Variants in TKTL2 observed in about 807,000 individuals in gnomAD.
TKTL2 encodes the protein transketolase-like protein 2.
For synonymous variants in TKTL2, 259 were observed against 294.1 expected (o/e 0.88, Z 1.22); for missense variants, 825 against 799.4 (o/e 1.03, Z -0.39).
rs1264878195 is a variant in TKTL2, at chr4:163,473,280, C to T, written c.455G>A (p.Cys152Tyr). Residue 152 changes from cysteine to tyrosine, a missense_variant, in exon 1 of 1, where the codon TGC becomes TAC. Physicochemically the swap from Cys to Tyr is radical, Grantham distance 194. Coordinates refer to ENST00000280605, the MANE Select transcript of TKTL2 (RefSeq NM_032136.5). Reference protein sequence around the residue: ...YLDKASYRVFCLMGDGESSEG... With the variant: ...YLDKASYRVFYLMGDGESSEG... The stretch of plus-strand genomic sequence containing the variant: ...TGAGGATTCGCCATCTCCCATAAGG[C>T]AGAACACCCGGTAGCTGGCCTTGTC... 6.2e-7 allele frequency: 1 copy of T among 1,614,058 alleles called. No homozygotes were observed. Among genetic ancestry groups the T allele is most frequent in the East Asian group, 2.2e-5 (1 of 44,858 alleles).
At position 163,471,354 on chromosome 4, in the gene TKTL2, G is replaced by A. The variant is rs575317975; in HGVS notation, c.*500C>T. On this transcript the variant is annotated 3_prime_UTR_variant, in exon 1 of 1. Coordinates refer to ENST00000280605, the MANE Select transcript of TKTL2 (RefSeq NM_032136.5). ...AGGAGAGATGAAGGCAAACTTTGGA[G>A]GAATTTCCAAGGCAACTGCAGTCAA... is the stretch of plus-strand genomic sequence containing the variant. 1 of 152,404 alleles carries A rather than the reference G, an allele frequency of 6.6e-6. No homozygotes were observed. Among genetic ancestry groups the A allele is most frequent in the Admixed American group, 6.5e-5 (1 of 15,306 alleles). 9.4% of individuals were successfully genotyped at this position (152,404 alleles called of 1,614,324 possible).
rs775374117 is a variant in TKTL2, at chr4:163,472,096, C to A, written c.1639G>T (p.Ala547Ser). The change falls in exon 1 of 1, where the codon GCC (alanine) becomes TCC (serine). Residue 547 changes from alanine (A) to serine (S), a missense_variant. Physicochemically the swap from Ala to Ser is moderately conservative, Grantham distance 99. Coordinates refer to ENST00000280605, the MANE Select transcript of TKTL2 (RefSeq NM_032136.5). ...GCTTTTGCACTGGAGATGATGGTGG[C>A]GGCATCCAGGGGTTTAATGGTAAAT... ...DPFTIKPLDA[A>S]TIISSAKATG... The A allele has an allele frequency of 1.9e-6, 3 of 1,614,110 alleles. No homozygotes were observed. Among genetic ancestry groups the A allele is most frequent in the Non-Finnish European group, 2.5e-6 (3 of 1,180,028 alleles).
rs942322674 is a variant in TKTL2 at position 163,472,382 on chromosome 4, A to T, written c.1353T>A (p.Tyr451Ter). 2 of 1,604,478 alleles carry T rather than the reference A, an allele frequency of 1.2e-6. No homozygotes were observed. Among genetic ancestry groups the T allele is most frequent in the African/African-American group, 2.7e-5 (2 of 74,622 alleles). ...GCTCTGTCGAGATGGCATCACTTGG[A>T]TAGAAAACAGTACAATTGGGAATGC... is the stretch of plus-strand genomic sequence containing the variant. ...FRSIPNCTVF[Y>*]PSDAISTEHA... is the part of the protein sequence containing the mutation. The change falls in exon 1 of 1, where the codon TAT becomes TAA. Residue 451 changes from tyrosine to a stop codon, truncating the protein, a stop_gained. Transcript: ENST00000280605. LOFTEE classifies it low-confidence loss of function (END_TRUNC).
Position 163,473,003 on chromosome 4 carries a change from G to A in TKTL2, c.732C>T (p.Ala244=). 1 of 1,614,110 alleles carries A rather than the reference G, an allele frequency of 6.2e-7. No individual in the cohort carries two copies. The highest frequency in any genetic ancestry group is 8.5e-7 in the Non-Finnish European group (1 of 1,180,028). The change falls in exon 1 of 1, where the codon GCC becomes GCT. Residue 244 remains alanine, a synonymous_variant. Coordinates refer to ENST00000280605, the MANE Select transcript of TKTL2 (RefSeq NM_032136.5). ...GAATACCCCGACCTTTGAAGGTCTT[G>A]GCAACTATAGCAGTAGGCTTGTTCT... ...QVKNKPTAIV[A]KTFKGRGIPN...
chr4:163,473,061 A>G lies in TKTL2; in HGVS notation c.674T>C (p.Leu225Ser). The G allele has an allele frequency of 3.1e-6, 5 of 1,614,202 alleles. No individual in the cohort carries two copies. The highest frequency in any genetic ancestry group is 4.2e-6 in the Non-Finnish European group (5 of 1,180,054). The stretch of plus-strand genomic sequence containing the variant: ...ACTTGCTTGCCAAAATGCTTGGCAC[A>G]AGGCCTCCACATCATGGCCATCCAC... ...YLVDGHDVEA[L>S]CQAFWQASQV... is the part of the protein sequence containing the mutation. The change falls in exon 1 of 1, where the codon TTG becomes TCG. Residue 225 changes from leucine (L) to serine (S), a missense_variant. Transcript: ENST00000280605.
Position 163,472,453 on chromosome 4 carries a change from C to A in TKTL2, c.1282G>T (p.Asp428Tyr). 6.2e-7 allele frequency: 1 copy of A among 1,614,164 alleles called. No homozygotes were observed. The highest frequency in any genetic ancestry group is 8.5e-7 in the Non-Finnish European group (1 of 1,180,030). ...TCCAGGGCCATCTGGGAGACTCCAT[C>A]TTCTCCAGTGGATACCCCACAGTGG... ...GSHCGVSTGEDGVSQMALEDL... is the reference protein window; with the variant it reads ...GSHCGVSTGEYGVSQMALEDL... The change falls in exon 1 of 1, where the codon GAT becomes TAT. Residue 428 changes from aspartate to tyrosine, a missense_variant. Asp to Tyr is a radical substitution (Grantham distance 160). Transcript: ENST00000280605.
Position 163,473,494 on chromosome 4 carries a change from G to A in TKTL2, c.241C>T (p.Pro81Ser), listed in dbSNP as rs373907569. ...RFILSRGHAA[P>S]ILYAAWVEVG... Reference sequence around the variant, plus strand: ...TCCACCCAAGCAGCATAGAGGATAGGAGCAGCATGTCCCCTGGAGAGGATG... The same window carrying A: ...TCCACCCAAGCAGCATAGAGGATAGAAGCAGCATGTCCCCTGGAGAGGATG... The change falls in exon 1 of 1, where the codon CCT (proline) becomes TCT (serine). Residue 81 changes from proline to serine, a missense_variant. By Grantham distance (74) the Pro-to-Ser change is moderately conservative. Transcript: ENST00000280605. The A allele has an allele frequency of 2.5e-5, 40 of 1,613,896 alleles. No homozygotes were observed. Among genetic ancestry groups the A allele is most frequent in the Non-Finnish European group, 3.1e-5 (37 of 1,180,028 alleles).
chr4:163,471,997 C>G lies in TKTL2; in HGVS notation c.1738G>C (p.Val580Leu), dbSNP rs140731828. The G allele has an allele frequency of 1.0e-4, 169 of 1,613,158 alleles. No individual in the cohort carries two copies. The highest frequency in any genetic ancestry group is 1.4e-4 in the Non-Finnish European group (167 of 1,179,460). Residue 580 changes from valine (V) to leucine (L), a missense_variant, in exon 1 of 1, where the codon GTC becomes CTC. Transcript: ENST00000280605. ...GGIGEAVCAA[V>L]SREPDILVHQ... ...ACAAGGATATCAGGCTCCCTGGAGACAGCTGCACAAACAGCTTCTCCAATG... is the reference window on the plus strand; with the variant it reads ...ACAAGGATATCAGGCTCCCTGGAGAGAGCTGCACAAACAGCTTCTCCAATG...
At position 163,473,094 on chromosome 4, in the gene TKTL2, G is replaced by C. The variant is rs1181009684; in HGVS notation, c.641C>G (p.Thr214Ser). 6.2e-7 allele frequency: 1 copy of C among 1,614,134 alleles called. No homozygotes were observed. Among genetic ancestry groups the C allele is most frequent in the Non-Finnish European group, 8.5e-7 (1 of 1,180,038 alleles). The change falls in exon 1 of 1, where the codon ACT (threonine) becomes AGT (serine). Residue 214 changes from threonine to serine, a missense_variant. Thr to Ser is a moderately conservative substitution (Grantham distance 58). Transcript: ENST00000280605. ...CACATCATGGCCATCCACTAAGTAA[G>C]TATTCCATCCAAAGGCTTCACAGCA... is the stretch of plus-strand genomic sequence containing the variant. ...QNCCEAFGWNTYLVDGHDVEA... is the reference protein window; with the variant it reads ...QNCCEAFGWNSYLVDGHDVEA...
In TKTL2 at chr4:163,472,072, C is replaced by T. The variant is rs751268861; in HGVS notation, c.1663G>A (p.Ala555Thr). ...ACTGTGATAACTCGGCCGCCTGTGG[C>T]TTTTGCACTGGAGATGATGGTGGCG... is the stretch of plus-strand genomic sequence containing the variant. ...DAATIISSAK[A>T]TGGRVITVED... The change falls in exon 1 of 1, where the codon GCC becomes ACC. Residue 555 changes from alanine to threonine, a missense_variant. By Grantham distance (58) the Ala-to-Thr change is moderately conservative. Coordinates refer to ENST00000280605, the MANE Select transcript of TKTL2 (RefSeq NM_032136.5). The T allele has an allele frequency of 1.2e-6, 2 of 1,614,172 alleles. No individual in the cohort carries two copies. The highest frequency in any genetic ancestry group is 1.7e-6 in the Non-Finnish European group (2 of 1,180,038).
rs756094486 is a variant in TKTL2 at position 163,471,806 on chromosome 4, C to G, written c.*48G>C. Reference sequence around the variant, plus strand: ...TGAATTTAATACAAAGATACCAGTGCTTTTGGGCCAAAGCCAATAGACTTG... The same window carrying G: ...TGAATTTAATACAAAGATACCAGTGGTTTTGGGCCAAAGCCAATAGACTTG... On this transcript the variant is annotated 3_prime_UTR_variant, in exon 1 of 1. Transcript: ENST00000280605. The G allele has an allele frequency of 1.5e-5, 21 of 1,429,108 alleles. No individual in the cohort carries two copies. Among genetic ancestry groups the G allele is most frequent in the Non-Finnish European group, 1.9e-5 (20 of 1,066,898 alleles). 88.5% of individuals were successfully genotyped at this position (1,429,108 alleles called of 1,614,324 possible).
At position 163,473,672 on chromosome 4, in the gene TKTL2, G is replaced by T; in HGVS notation, c.63C>A (p.Asn21Lys). 2.5e-6 allele frequency: 4 copies of T among 1,614,032 alleles called. No homozygotes were observed. Among genetic ancestry groups the T allele is most frequent in the Non-Finnish European group, 3.4e-6 (4 of 1,180,002 alleles). The change falls in exon 1 of 1, where the codon AAC (asparagine) becomes AAA (lysine). Residue 21 changes from asparagine (N) to lysine (K), a missense_variant. By Grantham distance (94) the Asn-to-Lys change is moderately conservative (BLOSUM62 0). Coordinates refer to ENST00000280605, the MANE Select transcript of TKTL2 (RefSeq NM_032136.5). ...KTVQVLRDTANRLRIHSIRAT... is the reference protein window; with the variant it reads ...KTVQVLRDTAKRLRIHSIRAT... ...CCCTGATGGAATGGATCCGCAGGCG[G>T]TTGGCTGTGTCCCGCAGCACCTGCA...
chr4:163,471,941 T>G lies in TKTL2; in HGVS notation c.1794A>C (p.Gln598His). 1 of 1,608,744 alleles carries G rather than the reference T, an allele frequency of 6.2e-7. No homozygotes were observed. The highest frequency in any genetic ancestry group is 1.1e-5 in the South Asian group (1 of 89,900). ...VHQLAVSGVP[Q>H]RGKTSELLDM... is the part of the protein sequence containing the mutation. ...CCAGCAATTCACTAGTTTTCCCACGTTGAGGCACTCCTGACACTGCCAGTT... is the reference window on the plus strand; with the variant it reads ...CCAGCAATTCACTAGTTTTCCCACGGTGAGGCACTCCTGACACTGCCAGTT... The change falls in exon 1 of 1, where the codon CAA becomes CAC. Residue 598 changes from glutamine (Q) to histidine (H), a missense_variant. Transcript: ENST00000280605.
At position 163,472,226 on chromosome 4, in the gene TKTL2, G is replaced by A; in HGVS notation, c.1509C>T (p.Val503=). The A allele has an allele frequency of 6.2e-7, 1 of 1,614,168 alleles. No homozygotes were observed. The highest frequency in any genetic ancestry group is 8.5e-7 in the Non-Finnish European group (1 of 1,180,020). ...CTCCAATTACTGTGACTTTATCATT[G>A]ACACCGTGGCGGACCACCTTGGCCT... ...IGQAKVVRHG[V]NDKVTVIGAG... Residue 503 remains valine, a synonymous_variant, in exon 1 of 1, where the codon GTC becomes GTT. Transcript: ENST00000280605.
rs548320199 is a variant in TKTL2, at chr4:163,471,782, G to T, written c.*72C>A. On this transcript the variant is annotated 3_prime_UTR_variant, in exon 1 of 1. Coordinates refer to ENST00000280605, the MANE Select transcript of TKTL2 (RefSeq NM_032136.5). Reference sequence around the variant, plus strand: ...ATAATGGTTTTGTGACAATAAACATGAATTTAATACAAAGATACCAGTGCT... The same window carrying T: ...ATAATGGTTTTGTGACAATAAACATTAATTTAATACAAAGATACCAGTGCT... 1.4e-5 allele frequency: 17 copies of T among 1,247,978 alleles called. No individual in the cohort carries two copies. The Admixed American group carries it at 3.2e-4, about 23-fold the overall frequency. The allele number at this position is 1,247,978 out of a possible 1,614,324, so 77.3% of individuals were successfully genotyped here. A position where few individuals can be genotyped will look rare whatever the true frequency, so the allele number is the denominator to read the frequency against.
At position 163,472,737 on chromosome 4, in the gene TKTL2, C is replaced by T; in HGVS notation, c.998G>A (p.Gly333Asp). The T allele has an allele frequency of 2.5e-6, 4 of 1,602,466 alleles. No individual in the cohort carries two copies. The highest frequency in any genetic ancestry group is 3.4e-6 in the Non-Finnish European group (4 of 1,173,876). Residue 333 changes from glycine to aspartate, a missense_variant, in exon 1 of 1, where the codon GGC becomes GAC. Physicochemically the swap from Gly to Asp is moderately conservative, Grantham distance 94. Transcript: ENST00000280605. The part of the protein sequence containing the change: ...KTYGLALAKL[G>D]RANERVIVLS... ...AACAATAACTCTTTCATTTGCACGG[C>T]CCAGTTTAGCCAGAGCCAAACCATA...
chr4:163,472,706 A>G lies in TKTL2; in HGVS notation c.1029T>C (p.Ser343=). Residue 343 remains serine, a synonymous_variant, in exon 1 of 1, where the codon AGT becomes AGC. Coordinates refer to ENST00000280605, the MANE Select transcript of TKTL2 (RefSeq NM_032136.5). ...GRANERVIVL[S]GDTMNSTFSE... ...AAAAGGTGGAGTTCATCGTGTCACCACTCAGAACAATAACTCTTTCATTTG... is the reference window on the plus strand; with the variant it reads ...AAAAGGTGGAGTTCATCGTGTCACCGCTCAGAACAATAACTCTTTCATTTG... 6.2e-7 allele frequency: 1 copy of G among 1,613,370 alleles called. No individual in the cohort carries two copies. The highest frequency in any genetic ancestry group is 8.5e-7 in the Non-Finnish European group (1 of 1,179,568).
In TKTL2 at chr4:163,473,530, T is replaced by C. The variant is rs1481950319; in HGVS notation, c.205A>G (p.Asn69Asp). The C allele has an allele frequency of 1.2e-6, 2 of 1,613,852 alleles. No individual in the cohort carries two copies. Among genetic ancestry groups the C allele is most frequent in the African/African-American group, 2.7e-5 (2 of 74,880 alleles). ...CCCCTGGAGAGGATGAACCGGTCGT[T>C]GTCCGGGTGTTCTGGGTCTGTCTGT... The part of the protein sequence containing the change: ...YKQTDPEHPD[N>D]DRFILSRGHA... The change falls in exon 1 of 1, where the codon AAC becomes GAC. Residue 69 changes from asparagine (N) to aspartate (D), a missense_variant. By Grantham distance (23) the Asn-to-Asp change is conservative. Coordinates refer to ENST00000280605, the MANE Select transcript of TKTL2 (RefSeq NM_032136.5).
Position 163,471,874 on chromosome 4 carries a change from T to C in TKTL2, c.1861A>G (p.Thr621Ala), listed in dbSNP as rs762343590. ...CTAGTTTACTTCATTAAAGTAAGTG[T>C]TACGGCTGCTATAATGTGTCTGGTA... ...ISTRHIIAAVTLTLMK is the reference protein window; with the variant it reads ...ISTRHIIAAVALTLMK Residue 621 changes from threonine (T) to alanine (A), a missense_variant, in exon 1 of 1, where the codon ACA becomes GCA. Transcript: ENST00000280605. The C allele has an allele frequency of 3.9e-6, 6 of 1,525,350 alleles. 1 individual carries two copies. In the South Asian group the frequency reaches 7.9e-5, roughly 20 times the overall value. 94.5% of individuals were successfully genotyped at this position (1,525,350 alleles called of 1,614,324 possible). A position where few individuals can be genotyped will look rare whatever the true frequency, so the allele number is the denominator to read the frequency against.
Sources: gnomAD v4.1 joint callset for allele counts on GRCh38, gnomAD v4.1.1 for gene constraint, MANE v1.5 for transcripts, NCBI Gene and HGNC (gene_info 2026-07-23, HGNC 2026-07-21) for gene names.